The following AMD1 variants were observed in gnomAD, a reference collection of about 807,000 sequenced individuals.
AMD1 encodes the protein adenosylmethionine decarboxylase 1, also known as S-adenosylmethionine decarboxylase proenzyme.
In AMD1, 11 loss-of-function variants were observed where a neutral mutation model predicts 40.2. The observed-to-expected ratio is 0.27, with a 90% CI of 0.17 to 0.45. The LOEUF (loss-of-function observed/expected upper bound fraction) is 0.45. AMD1 is among the 20% of genes least tolerant of loss of function. The probability of loss-of-function intolerance (pLI) is 1.00; values close to 1 mark genes in which losing one functional copy is unlikely to be tolerated. For missense variants in AMD1, 257 were observed against 410.2 expected (o/e 0.63, Z 3.23); for synonymous variants, 121 against 130.8 (o/e 0.93, Z 0.51).
At chr6:110,848,606 TA>T in the AMD1 span, 1 of 559,024 alleles carries the variant, frequency 1.8e-6, no homozygotes, top group South Asian at 1.8e-5. Context: ...GTGCAAAAAA[TA>T]AATCTTCTTT....
chr6:110,859,227 T>C, the AMD1 span: 1 of 623,354 alleles, frequency 1.6e-6, no homozygotes, highest in East Asian at 3.3e-5. Flanking sequence ...TTTTTTTTTC[T>C]TAACCTGTTC....
At chr6:110,859,583 G>A in the AMD1 span, among the ~76,000 whole-genome samples, 1 of 152,000 alleles carries the variant, frequency 6.6e-6, no homozygotes. Context: ...TTTCCCCGAG[G>A]AATGGGGCGG....
intron 1 of AMD1, chr6:110,875,516 C>T (rs1785050287): frequency 3.5e-6 from 1 of 284,038 alleles, no homozygotes. Flanking sequence ...GCGGCGCGGC[C>T]CGGGGTGGTT....
chr6:110,859,178 C>T, the AMD1 span: 1 of 978,554 alleles, frequency 1.0e-6, no homozygotes, highest in Middle Eastern at 3.7e-4. Flanking sequence ...CCCATATCAT[C>T]TCCCCGTCTG....
chr6:110,860,836 CA>C, the AMD1 span, among the ~76,000 whole-genome samples: 310 of 125,750 alleles, frequency 2.5e-3, 2 homozygotes, highest in Admixed American at 4.3e-3. Flanking sequence ...CACCCACCCA[CA>C]CACACACACA....
At chr6:110,828,414 C>A in the AMD1 span, among the ~76,000 whole-genome samples, 2 of 147,154 alleles carry the variant, frequency 1.4e-5, no homozygotes, top group South Asian at 2.1e-4. Flanking sequence ...GCCTGGGGGA[C>A]AAGAGTGGAA....
At chr6:110,884,575 A>G (rs149341249) in intron 1 of AMD1, among the ~76,000 whole-genome samples, 3 of 152,288 alleles carry the variant, frequency 2.0e-5, no homozygotes, top group African/African-American at 7.2e-5. Context: ...CTGGGACTAC[A>G]GACCTGCACC....
the AMD1 span, chr6:110,815,160 C>G: frequency 6.4e-7 from 1 of 1,558,488 alleles, no homozygotes; most frequent in South Asian, 1.2e-5. Context: ...CATAGAGGCA[C>G]GGGACGCGGG....
chr6:110,820,179 C>G, the AMD1 span, among the ~76,000 whole-genome samples: 1 of 152,026 alleles, frequency 6.6e-6, no homozygotes, highest in Non-Finnish European at 1.5e-5. Context: ...GTTTACTTCT[C>G]CAGTAAACTT....
At chr6:110,846,146 G>C in the AMD1 span, among the ~76,000 whole-genome samples, 1 of 152,152 alleles carries the variant, frequency 6.6e-6, no homozygotes, top group East Asian at 1.9e-4. Flanking sequence ...GGCTGAGGTA[G>C]GAGAATCACT....
At chr6:110,830,728 C>T in the AMD1 span, among the ~76,000 whole-genome samples, 1 of 152,184 alleles carries the variant, frequency 6.6e-6, no homozygotes, top group Non-Finnish European at 1.5e-5. Flanking sequence ...CCAGCTTGCC[C>T]TCGAATTCTT....
At chr6:110,816,836 C>T in the AMD1 span, among the ~76,000 whole-genome samples, 4 of 152,324 alleles carry the variant, frequency 2.6e-5, no homozygotes, top group East Asian at 7.7e-4. Flanking sequence ...GATCCTCCTG[C>T]CTCAGACTCC....
intron 1 of AMD1, among the ~76,000 whole-genome samples, chr6:110,876,004 G>C (rs955125211): frequency 2.6e-5 from 4 of 152,190 alleles, no homozygotes; most frequent in African/African-American, 9.6e-5. Flanking sequence ...TACGGAGCCG[G>C]CGGAGCGGGG....
At chr6:110,829,946 G>C in the AMD1 span, among the ~76,000 whole-genome samples, 2 of 152,084 alleles carry the variant, frequency 1.3e-5, no homozygotes, top group African/African-American at 4.8e-5. Flanking sequence ...TTGTAAATCT[G>C]TTTAACCTCA....
At chr6:110,878,138 G>A (rs1439093046) in intron 1 of AMD1, among the ~76,000 whole-genome samples, 1 of 152,102 alleles carries the variant, frequency 6.6e-6, no homozygotes, top group Non-Finnish European at 1.5e-5. Context: ...ATAATTCAAG[G>A]GAGAAAATAT....
In AMD1 at chr6:110,888,996, A is replaced by G; in HGVS notation, c.324+13A>G. On this transcript the variant is annotated intron_variant, in intron 3 of 8. Coordinates refer to ENST00000368885, the MANE Select transcript of AMD1 (RefSeq NM_001634.6). ...TGACTCAATTCAAGTAAGTAAGCAA[A>G]CATTTAAATATTTTTCAGGCATAAA... The G allele has an allele frequency of 6.2e-7, 1 of 1,609,078 alleles. No individual in the cohort carries two copies. Among genetic ancestry groups the G allele is most frequent in the Non-Finnish European group, 8.5e-7 (1 of 1,178,152 alleles).
chr6:110,853,834 A>G, the AMD1 span, among the ~76,000 whole-genome samples: 1 of 152,212 alleles, frequency 6.6e-6, no homozygotes, highest in Non-Finnish European at 1.5e-5. Flanking sequence ...ATCCTCCATT[A>G]TCTACATAAT....
chr6:110,827,200 T>C, the AMD1 span, among the ~76,000 whole-genome samples: 1 of 152,122 alleles, frequency 6.6e-6, no homozygotes, highest in Non-Finnish European at 1.5e-5. Context: ...TGTTACTGAA[T>C]GAGGGGCCAT....
intron 1 of AMD1, chr6:110,875,546 A>G (rs1785054053): frequency 4.5e-6 from 1 of 221,656 alleles, no homozygotes; most frequent in African/African-American, 2.3e-5. Context: ...GCGCCTCCCG[A>G]CATTTCCCTC....
Sources: allele counts gnomAD v4.1 joint callset (sites outside exome capture counted in the v4.1 genomes callset), GRCh38; gene constraint gnomAD v4.1.1; transcripts MANE v1.5; gene names NCBI Gene and HGNC (gene_info 2026-07-23, HGNC 2026-07-21).